The following USH2A variants were observed in gnomAD, a reference collection of about 807,000 sequenced individuals.
The protein encoded by USH2A is usherin.
In USH2A, 443 loss-of-function variants were observed where a neutral mutation model predicts 538.9. The ratio of observed to expected loss-of-function variants is 0.82; its 90% confidence interval spans 0.76 to 0.89. The LOEUF (loss-of-function observed/expected upper bound fraction) is 0.89. Ranked by LOEUF, USH2A falls within the 40% of genes least tolerant of loss-of-function variation. USH2A has a pLI of 0.00. For synonymous variants in USH2A, 2,413 were observed against 2,273.5 expected (o/e 1.06, Z -1.75); for missense variants, 6,633 against 6,324.8 (o/e 1.05, Z -1.65).
At chr1:215,977,946 C>T (rs181931929) in intron 35 of USH2A, among the ~76,000 whole-genome samples, 4 of 152,212 alleles carry the variant, frequency 2.6e-5, no homozygotes, top group Admixed American at 2.6e-4. Flanking sequence ...AGCAATGTGG[C>T]AAAGCCCTGT....
Position 216,292,018 on chromosome 1 carries a change from A to G in USH2A, c.1840+157T>C, listed in dbSNP as rs891273738. On this transcript the variant is annotated intron_variant, in intron 10 of 71. Coordinates refer to ENST00000307340, the MANE Select transcript of USH2A (RefSeq NM_206933.4). ...TCTGAAAACTACCTAGTGATTTGGA[A>G]ATAGGAAGATTTGGTGAACTAGCTT... 2.0e-5 allele frequency among the ~76,000 whole-genome samples: 3 copies of G among 152,220 alleles called. No individual in the cohort carries two copies. In the East Asian group the frequency reaches 5.8e-4, roughly 29 times the overall value.
intron 35 of USH2A, among the ~76,000 whole-genome samples, chr1:215,987,643 C>T (rs1667902391): frequency 6.6e-6 from 1 of 152,174 alleles, no homozygotes; most frequent in Admixed American, 6.5e-5. Context: ...TACTTAAAGA[C>T]TGTACTTGGC....
At chr1:216,106,002 A>T (rs1330410633) in intron 21 of USH2A, among the ~76,000 whole-genome samples, 1 of 151,500 alleles carries the variant, frequency 6.6e-6, no homozygotes, top group African/African-American at 2.4e-5. Context: ...AAGCATTTAC[A>T]TACAAAATTA....
At chr1:216,234,487 C>T (rs757206346) in intron 13 of USH2A, among the ~76,000 whole-genome samples, 1 of 152,048 alleles carries the variant, frequency 6.6e-6, no homozygotes, top group Non-Finnish European at 1.5e-5. Flanking sequence ...TATTCTTGTA[C>T]CTGATTCATC....
chr1:216,131,417 A>G (rs908076811), intron 21 of USH2A, among the ~76,000 whole-genome samples: 1 of 151,976 alleles, frequency 6.6e-6, no homozygotes, highest in African/African-American at 2.4e-5. Flanking sequence ...TTCCAATGTT[A>G]TCTTCTAGAA....
At chr1:216,155,837 CT>C (rs1471593803) in intron 21 of USH2A, among the ~76,000 whole-genome samples, 1 of 152,140 alleles carries the variant, frequency 6.6e-6, no homozygotes, top group Admixed American at 6.6e-5. Context: ...AACCATTCAG[CT>C]ATGCTAATTC....
chr1:216,028,770 T>C (rs1292110755), intron 32 of USH2A, among the ~76,000 whole-genome samples: 3 of 152,084 alleles, frequency 2.0e-5, no homozygotes, highest in Non-Finnish European at 4.4e-5. Flanking sequence ...ATAAACACAT[T>C]TGTGGTATTA....
At chr1:216,038,021 C>A (rs1053312643) in intron 32 of USH2A, among the ~76,000 whole-genome samples, 1 of 151,904 alleles carries the variant, frequency 6.6e-6, no homozygotes, top group African/African-American at 2.4e-5. Flanking sequence ...CAAAGTGAAC[C>A]AATTGAGATG....
At chr1:215,863,303 A>T (rs1307242170) in intron 44 of USH2A, among the ~76,000 whole-genome samples, 4 of 152,208 alleles carry the variant, frequency 2.6e-5, no homozygotes, top group Non-Finnish European at 4.4e-5. Context: ...GAAAAGTCAG[A>T]TGTGGTCTCT....
At chr1:215,659,206 G>A (rs1657363606) in intron 64 of USH2A, among the ~76,000 whole-genome samples, 1 of 152,198 alleles carries the variant, frequency 6.6e-6, no homozygotes. Flanking sequence ...TTATCCAGGA[G>A]GTTCTCTCAA....
At chr1:215,630,309 C>T (rs1260477555) in intron 70 of USH2A, 5 of 455,368 alleles carry the variant, frequency 1.1e-5, no homozygotes, top group Non-Finnish European at 2.2e-5. Context: ...GTTTTAAACA[C>T]ATTCCTTGCA....
At chr1:215,696,764 G>A (rs1658824000) in intron 61 of USH2A, among the ~76,000 whole-genome samples, 2 of 152,152 alleles carry the variant, frequency 1.3e-5, no homozygotes, top group South Asian at 4.1e-4. Flanking sequence ...CATTTTGGGA[G>A]GCCAAGGTGG....
chr1:216,223,648 T>C (rs1264786911), intron 14 of USH2A, among the ~76,000 whole-genome samples: 1 of 152,172 alleles, frequency 6.6e-6, no homozygotes, highest in East Asian at 1.9e-4. Context: ...GGCTGCCAGA[T>C]GATGACAGGC....
chr1:216,057,102 T>C (rs2031002240), intron 30 of USH2A, among the ~76,000 whole-genome samples: 2 of 152,208 alleles, frequency 1.3e-5, no homozygotes, highest in Non-Finnish European at 1.5e-5. Context: ...AATCCTTTGG[T>C]GTCAATTCTT....
intron 20 of USH2A, among the ~76,000 whole-genome samples, chr1:216,185,895 G>A (rs1305143435): frequency 6.6e-6 from 1 of 151,634 alleles, no homozygotes; most frequent in Admixed American, 6.6e-5. Context: ...ATTTTTTCCT[G>A]GTATTCAAAT....
rs1657042084 is a variant in USH2A at position 215,650,711 on chromosome 1, T to C, written c.14224A>G (p.Thr4742Ala). ...TGGGTAGAAGAGATCACATGGAACG[T>C]GGGGGCTCTGAGACCTTCTGGTGGG... ...PAPPEGLRAP[T>A]FHVISSTQAV... Residue 4742 changes from threonine (T) to alanine (A), a missense_variant, in exon 65 of 72, where the codon ACG becomes GCG. By Grantham distance (58) the Thr-to-Ala change is moderately conservative (BLOSUM62 0). Coordinates refer to ENST00000307340, the MANE Select transcript of USH2A (RefSeq NM_206933.4). 6.2e-7 allele frequency: 1 copy of C among 1,613,898 alleles called. No individual in the cohort carries two copies. Among genetic ancestry groups the C allele is most frequent in the South Asian group, 1.1e-5 (1 of 91,068 alleles).
chr1:215,771,114 A>G (rs373451973), intron 55 of USH2A, among the ~76,000 whole-genome samples: 37 of 149,380 alleles, frequency 2.5e-4, no homozygotes, highest in African/African-American at 8.9e-4. Flanking sequence ...GTGACATAGT[A>G]GCTAGACTGC....
intron 38 of USH2A, among the ~76,000 whole-genome samples, chr1:215,928,320 A>T (rs539389275): frequency 1.3e-5 from 2 of 152,294 alleles, no homozygotes; most frequent in South Asian, 4.1e-4. Context: ...ATCAAAATTA[A>T]TTGTCATGTA....
intron 11 of USH2A, among the ~76,000 whole-genome samples, chr1:216,288,218 T>C (rs2036926208): frequency 6.6e-6 from 1 of 152,148 alleles, no homozygotes; most frequent in South Asian, 2.1e-4. Flanking sequence ...AGTTTACTAA[T>C]TAATATATGG....
Sources: allele counts gnomAD v4.1 joint callset (sites outside exome capture counted in the v4.1 genomes callset), GRCh38; gene constraint gnomAD v4.1.1; transcripts MANE v1.5; gene names NCBI Gene and HGNC (gene_info 2026-07-23, HGNC 2026-07-21).